ADCY5: variants seen among roughly 807,000 people sequenced by gnomAD.
ADCY5 encodes the protein adenylate cyclase 5, also known as adenylate cyclase type 5.
A neutral mutation model predicts 119.7 loss-of-function variants in ADCY5; 30 were observed. That is an observed-to-expected ratio of 0.25 (90% confidence interval 0.19 to 0.34). The LOEUF (loss-of-function observed/expected upper bound fraction) is 0.34. Ranked by LOEUF, ADCY5 falls within the 10% of genes least tolerant of loss-of-function variation. The probability of loss-of-function intolerance (pLI) is 1.00; values close to 1 mark genes in which losing one functional copy is unlikely to be tolerated. For missense variants in ADCY5, 1,324 were observed against 1,775.2 expected, an observed-to-expected ratio of 0.75 and a Z score of 4.57; for synonymous variants, 753 against 762.2, an observed-to-expected ratio of 0.99 and a Z score of 0.20.
intron 1 of ADCY5, among the ~76,000 whole-genome samples, chr3:123,373,764 C>CCA (rs1943723099): frequency 3.0e-5 from 1 of 32,794 alleles, no homozygotes; most frequent in Non-Finnish European, 9.5e-5. Flanking sequence ...TCACGCCCCC[C>CCA]CCCCCCCGAC....
chr3:123,443,917 T>C (rs1220221047), intron 1 of ADCY5, among the ~76,000 whole-genome samples: 1 of 152,136 alleles, frequency 6.6e-6, no homozygotes, highest in African/African-American at 2.4e-5. Flanking sequence ...GTCCAGACCA[T>C]AGAGCTGCTG....
rs1553732238 is a variant in ADCY5 at position 123,348,036 on chromosome 3, A to AGC, written c.1285-134_1285-133insGC. 3.2e-4 allele frequency: 149 copies of AGC among 468,738 alleles called. 1 individual carries two copies. The highest frequency in any genetic ancestry group is 3.0e-3 in the East Asian group (94 of 31,048). The allele number at this position is 468,738 out of a possible 1,614,324, so 29.0% of individuals were successfully genotyped here. A position where few individuals can be genotyped will look rare whatever the true frequency, so the allele number is the denominator to read the frequency against. On this transcript the variant is annotated intron_variant, in intron 2 of 20. Transcript: ENST00000462833. Reference sequence around the variant, plus strand: ...GCTCTCCCGGGACTCCTGGGTTAACAGTGTGTGTGTGTGTGTGTGTGTGTG... The same window carrying AGC: ...GCTCTCCCGGGACTCCTGGGTTAACAGCGTGTGTGTGTGTGTGTGTGTGTGTG...
At chr3:123,303,897 A>AGAAGAGAAGAGAAGAG (rs144372832) in intron 13 of ADCY5, among the ~76,000 whole-genome samples, 170 bp downstream of exon 13, 1 of 147,244 alleles carries the variant, frequency 6.8e-6, no homozygotes, top group East Asian at 2.0e-4. Flanking sequence ...AGAAGAGAAG[A>AGAAGAGAAGAGAAGAG]AAGAACTTGT....
At chr3:123,306,649 T>TA (rs1476700531) in intron 12 of ADCY5, among the ~76,000 whole-genome samples, 10 of 152,202 alleles carry the variant, frequency 6.6e-5, no homozygotes, top group Non-Finnish European at 1.0e-4. Flanking sequence ...GGTGGGAATG[T>TA]AAAATGGGGC....
intron 1 of ADCY5, among the ~76,000 whole-genome samples, chr3:123,383,857 G>GCACA (rs1273129077): frequency 6.7e-6 from 1 of 148,484 alleles, no homozygotes; most frequent in Non-Finnish European, 1.5e-5. Context: ...CTCAAGGCAC[G>GCACA]CACACACACA....
At chr3:123,385,532 CAG>C (rs920076591) in intron 1 of ADCY5, among the ~76,000 whole-genome samples, 4 of 152,136 alleles carry the variant, frequency 2.6e-5, no homozygotes, top group African/African-American at 9.7e-5. Context: ...GATGGTGAGA[CAG>C]GGGTGTGTAC....
At chr3:123,284,809 CCT>C in intron 20 of ADCY5, 73 bp from the exon 21 acceptor site, 1 of 1,589,890 alleles carries the variant, frequency 6.3e-7, no homozygotes, top group South Asian at 1.1e-5. Flanking sequence ...GGTAGAGCCA[CCT>C]CTGACTGCCC....
chr3:123,362,630 A>T (rs1329788216), intron 1 of ADCY5, among the ~76,000 whole-genome samples: 1 of 152,202 alleles, frequency 6.6e-6, no homozygotes, highest in Non-Finnish European at 1.5e-5. Flanking sequence ...CTGGGAAACC[A>T]TGCTGCTGGC....
chr3:123,436,864 C>T (rs1017939359), intron 1 of ADCY5, among the ~76,000 whole-genome samples: 2 of 152,156 alleles, frequency 1.3e-5, no homozygotes, highest in African/African-American at 2.4e-5. Context: ...AATCCTGCCA[C>T]GGAGGTCTGC....
At position 123,447,784 on chromosome 3, in the gene ADCY5, C is replaced by G. The variant is rs150205216; in HGVS notation, c.762G>C (p.Leu254=). 114 of 1,610,790 alleles carry G rather than the reference C, an allele frequency of 7.1e-5. 1 individual carries two copies. The African/African-American group carries it at 1.4e-3, about 20-fold the overall frequency. The change falls in exon 1 of 21, where the codon CTG becomes CTC. Residue 254 remains leucine, a synonymous_variant. Coordinates refer to ENST00000462833, the MANE Select transcript of ADCY5 (RefSeq NM_183357.3). ...GCGCCGCGTGGAAGGCCAACATGAC[C>G]AGGCACACGAGCACCAGCACGGCCA... is the stretch of plus-strand genomic sequence containing the variant. ...MLMAVLVLVC[L]VMLAFHAARP...
At chr3:123,340,607 T>G (rs1043374874) in intron 3 of ADCY5, among the ~76,000 whole-genome samples, 2 of 152,178 alleles carry the variant, frequency 1.3e-5, no homozygotes, top group African/African-American at 4.8e-5. Context: ...AGTAAGTTCT[T>G]GCTGGCTGCT....
At chr3:123,348,742 C>A (rs542779261) in intron 2 of ADCY5, among the ~76,000 whole-genome samples, 3 of 152,278 alleles carry the variant, frequency 2.0e-5, no homozygotes, top group Non-Finnish European at 4.4e-5. Context: ...TCTTTCTGAG[C>A]TCCTCTCCCG....
At chr3:123,337,470 G>A (rs536571001) in intron 3 of ADCY5, among the ~76,000 whole-genome samples, 1 of 152,336 alleles carries the variant, frequency 6.6e-6, no homozygotes, top group African/African-American at 2.4e-5. Context: ...GGAAGCTGGA[G>A]GTCTGAGATC....
intron 1 of ADCY5, among the ~76,000 whole-genome samples, chr3:123,359,896 T>C (rs1445022708): frequency 6.6e-6 from 1 of 152,164 alleles, no homozygotes; most frequent in Non-Finnish European, 1.5e-5. Flanking sequence ...CTGGATTTCA[T>C]TTGTCTTACA....
In ADCY5 at chr3:123,354,009, G is replaced by A. The variant is rs986868415; in HGVS notation, c.1135-1428C>T. ...CTCCTGGATGTGCCTTCCAGGAAGG[G>A]GCAAGTTCAGATTTCTAGCTCCACT... On this transcript the variant is annotated intron_variant, in intron 1 of 20. Coordinates refer to ENST00000462833, the MANE Select transcript of ADCY5 (RefSeq NM_183357.3). Among the ~76,000 whole-genome samples the A allele has an allele frequency of 2.6e-5, 4 of 152,076 alleles. No individual in the cohort carries two copies. In the East Asian group the frequency reaches 7.7e-4, roughly 29 times the overall value.
At chr3:123,379,485 G>T (rs1943955232) in intron 1 of ADCY5, among the ~76,000 whole-genome samples, 1 of 152,190 alleles carries the variant, frequency 6.6e-6, no homozygotes, top group African/African-American at 2.4e-5. Flanking sequence ...GGGGAGGAAA[G>T]CCTCATGAGA....
intron 6 of ADCY5, among the ~76,000 whole-genome samples, chr3:123,328,074 T>C (rs1941579188): frequency 6.6e-6 from 1 of 152,212 alleles, no homozygotes; most frequent in Non-Finnish European, 1.5e-5. Flanking sequence ...AAGCCAGCAA[T>C]GGCTCCTGCA....
chr3:123,420,590 G>T (rs903199733), intron 1 of ADCY5, among the ~76,000 whole-genome samples: 19 of 152,284 alleles, frequency 1.2e-4, no homozygotes, highest in African/African-American at 4.6e-4. Flanking sequence ...TGAGACAGAT[G>T]CCAGAGGCTT....
At position 123,371,607 on chromosome 3, in the gene ADCY5, C is replaced by G. The variant is rs989786343; in HGVS notation, c.1135-19026G>C. 1.4e-4 allele frequency among the ~76,000 whole-genome samples: 22 copies of G among 152,232 alleles called. 1 individual carries two copies. Among genetic ancestry groups the G allele is most frequent in the Admixed American group, 2.6e-4 (4 of 15,288 alleles). On this transcript the variant is annotated intron_variant, in intron 1 of 20. Transcript: ENST00000462833. Reference sequence around the variant, plus strand: ...TGGTCCTGAGCCTCGGGGCATTGCACATGGCAGCCGGTATCTCTCAGCCAG... The same window carrying G: ...TGGTCCTGAGCCTCGGGGCATTGCAGATGGCAGCCGGTATCTCTCAGCCAG...
Sources: allele counts gnomAD v4.1 joint callset (sites outside exome capture counted in the v4.1 genomes callset), GRCh38; gene constraint gnomAD v4.1.1; transcripts MANE v1.5; gene names NCBI Gene and HGNC (gene_info 2026-07-23, HGNC 2026-07-21).